C11orf65: variants seen among roughly 807,000 people sequenced by gnomAD.
The protein encoded by C11orf65 is protein MFI.
A neutral mutation model predicts 35.3 loss-of-function variants in C11orf65; 38 were observed. The observed-to-expected ratio is 1.08, with a 90% CI of 0.83 to 1.41. The LOEUF (loss-of-function observed/expected upper bound fraction) is 1.41, where lower values mean the gene tolerates loss of function less well. Among genes scored for constraint, C11orf65 ranks in the 40% most tolerant of loss-of-function variants. The pLI, the probability that C11orf65 is intolerant of heterozygous loss-of-function variation, is 0.00. For synonymous variants in C11orf65, 105 were observed against 114.4 expected, an observed-to-expected ratio of 0.92 and a Z score of 0.53; for missense variants, 370 against 367.1, an observed-to-expected ratio of 1.01 and a Z score of -0.06.
chr11:108,312,343 T>C, intron 6 of C11orf65: 6 of 1,171,784 alleles, frequency 5.1e-6, no homozygotes, highest in South Asian at 2.5e-5. Flanking sequence ...TCAAAGTCTA[T>C]AGTATATGTA....
At chr11:108,420,565 T>C (rs2092801292) in intron 3 of C11orf65, among the ~76,000 whole-genome samples, 1 of 152,176 alleles carries the variant, frequency 6.6e-6, no homozygotes, top group Non-Finnish European at 1.5e-5. Context: ...GGGTAGAAAC[T>C]GAAGATCCTC....
At chr11:108,412,022 C>T (rs1365589812) in intron 3 of C11orf65, among the ~76,000 whole-genome samples, 12 of 152,114 alleles carry the variant, frequency 7.9e-5, no homozygotes, top group Admixed American at 7.9e-4. Flanking sequence ...GTTATCCACC[C>T]ACCTCGGCCT....
chr11:108,462,509 A>C (rs997421869), intron 1 of C11orf65: 4 of 152,218 alleles, frequency 2.6e-5, no homozygotes, highest in African/African-American at 7.2e-5. Flanking sequence ...CCAGTTATTG[A>C]ATTCAAGTTT....
chr11:108,347,219 C>A (rs1048565782), intron 2 of C11orf65: 1 of 1,253,966 alleles, frequency 8.0e-7, no homozygotes, highest in Non-Finnish European at 1.2e-6. Flanking sequence ...GAAATTATGG[C>A]TATATATTAG....
intron 2 of C11orf65, among the ~76,000 whole-genome samples, chr11:108,370,813 T>C (rs2091549204): frequency 6.6e-6 from 1 of 152,204 alleles, no homozygotes; most frequent in Non-Finnish European, 1.5e-5. Flanking sequence ...AATCATCTTA[T>C]ACTCCTAGTA....
In C11orf65 at chr11:108,365,298, C is replaced by G. The variant is rs781724783; in HGVS notation, c.226+27910G>C. On this transcript the variant is annotated intron_variant, in intron 2 of 3. Coordinates refer to the C11orf65 transcript ENST00000524755. ...CAAGGCCTTTAAACTGTTCACCTCACTGAAACCTTTGTGTTTTTGTCCTTA... is the reference window on the plus strand; with the variant it reads ...CAAGGCCTTTAAACTGTTCACCTCAGTGAAACCTTTGTGTTTTTGTCCTTA... 29 of 1,614,064 alleles carry G rather than the reference C, an allele frequency of 1.8e-5. 2 individuals are homozygous for G. In the South Asian group the frequency reaches 2.5e-4, roughly 14 times the overall value.
At chr11:108,398,091 T>C (rs1159636336) in intron 6 of C11orf65, among the ~76,000 whole-genome samples, 1 of 152,108 alleles carries the variant, frequency 6.6e-6, no homozygotes, top group East Asian at 1.9e-4. Flanking sequence ...GGAGAGGAAA[T>C]ATCATGGGAG....
At chr11:108,372,152 A>C (rs1449258043) in intron 2 of C11orf65, among the ~76,000 whole-genome samples, 2 of 152,064 alleles carry the variant, frequency 1.3e-5, no homozygotes, top group East Asian at 3.8e-4. Context: ...ATAAACTTAT[A>C]ACTCTTTGTA....
rs1199766139 is a variant in C11orf65, at chr11:108,461,586, A to G, written c.-9-18T>C. On this transcript the variant is annotated intron_variant, in intron 1 of 8. Coordinates refer to ENST00000393084, the MANE Select transcript of C11orf65 (RefSeq NM_152587.5). ...TGAAATTCCTAAAAGAAAATGAGCAAAAAGGGTACATTTAAAATAATTTTA... is the reference window on the plus strand; with the variant it reads ...TGAAATTCCTAAAAGAAAATGAGCAGAAAGGGTACATTTAAAATAATTTTA... 1.5e-6 allele frequency: 2 copies of G among 1,341,716 alleles called. No individual in the cohort carries two copies. The highest frequency in any genetic ancestry group is 2.0e-5 in the Admixed American group (1 of 49,992). The allele number at this position is 1,341,716 out of a possible 1,614,324, so 83.1% of individuals were successfully genotyped here.
At chr11:108,321,746 C>G (rs941299167) in intron 6 of C11orf65, among the ~76,000 whole-genome samples, 2 of 151,666 alleles carry the variant, frequency 1.3e-5, no homozygotes, top group African/African-American at 4.8e-5. Context: ...CGAGATTGCG[C>G]CATGGATTCC....
chr11:108,333,002 A>G (rs367874402), intron 3 of C11orf65: 2 of 1,416,500 alleles, frequency 1.4e-6, no homozygotes, highest in African/African-American at 1.4e-5. Context: ...TTAAAATCAC[A>G]AACGTAATCC....
At chr11:108,311,224 C>G (rs767240703) in intron 6 of C11orf65, among the ~76,000 whole-genome samples, 38 of 152,250 alleles carry the variant, frequency 2.5e-4, no homozygotes, top group Middle Eastern at 3.4e-3. Context: ...GTCCTCCCAC[C>G]TCAGCCTTTC....
intron 2 of C11orf65, among the ~76,000 whole-genome samples, chr11:108,360,091 C>A (rs1375255842): frequency 2.6e-5 from 4 of 151,446 alleles, no homozygotes; most frequent in African/African-American, 9.7e-5. Context: ...CAAATAGACA[C>A]AATAAAAAAT....
At chr11:108,321,755 C>A (rs1055695444) in intron 6 of C11orf65, among the ~76,000 whole-genome samples, 5 of 151,812 alleles carry the variant, frequency 3.3e-5, no homozygotes, top group Non-Finnish European at 4.4e-5. Flanking sequence ...GCCATGGATT[C>A]CAGCCTGGGC....
intron 6 of C11orf65, chr11:108,317,652 T>TATATATATATATATATATAA (rs1399501257): frequency 8.5e-6 from 1 of 117,468 alleles, no homozygotes; most frequent in Non-Finnish European, 1.4e-5. Context: ...TATATATATA[T>TATATATATATATATATATAA]ACACACACAC....
chr11:108,392,821 T>C (rs1315469402), intron 7 of C11orf65, among the ~76,000 whole-genome samples: 1 of 152,232 alleles, frequency 6.6e-6, no homozygotes, highest in Non-Finnish European at 1.5e-5. Context: ...CTAAGGGCCA[T>C]AGTACATCAC....
intron 6 of C11orf65, chr11:108,321,163 G>C: frequency 8.8e-7 from 1 of 1,130,850 alleles, no homozygotes; most frequent in East Asian, 2.6e-5. Flanking sequence ...CTGCTATTTT[G>C]TATTCACTGT....
intron 1 of C11orf65, among the ~76,000 whole-genome samples, 197 bp from the exon 2 acceptor site, chr11:108,461,765 T>C (rs2093476533): frequency 6.6e-6 from 1 of 152,048 alleles, no homozygotes; most frequent in South Asian, 2.1e-4. Flanking sequence ...GTAGCTGGGA[T>C]TGTAGGCGTG....
At chr11:108,443,289 T>C (rs12790434) in intron 2 of C11orf65, among the ~76,000 whole-genome samples, 16,388 of 152,176 alleles carry the variant, frequency 0.11, 1,002 homozygotes, top group East Asian at 0.21. Flanking sequence ...CCTAAATATA[T>C]ATGCACCCAA....
Sources: gnomAD v4.1 joint callset for allele counts (sites outside exome capture counted in the v4.1 genomes callset) on GRCh38, gnomAD v4.1.1 for gene constraint, MANE v1.5 for transcripts, NCBI Gene and HGNC (gene_info 2026-07-23, HGNC 2026-07-21) for gene names.